The following LMNA variants were observed in gnomAD, a reference collection of about 807,000 sequenced individuals.
The protein encoded by LMNA is lamin.
Under a neutral mutation model 70.4 loss-of-function variants are expected in LMNA, and 20 were observed. The observed-to-expected ratio is 0.28, with a 90% confidence interval of 0.20 to 0.41. LMNA has a LOEUF of 0.41. Among genes scored for constraint, LMNA ranks in the 10% least tolerant of loss-of-function variants. The pLI, the probability that LMNA is intolerant of heterozygous loss-of-function variation, is 1.00. For missense variants in LMNA, 652 were observed against 917.2 expected (o/e 0.71, Z 3.73); for synonymous variants, 339 against 372.8 (o/e 0.91, Z 1.04).
chr1:156,126,551 C>G, intron 1 of LMNA: 1 of 758,442 alleles, frequency 1.3e-6, no homozygotes, highest in Admixed American at 1.8e-5. Flanking sequence ...TGCCTTTCTT[C>G]CCCAAACAGC....
At position 156,138,380 on chromosome 1, in the gene LMNA, C is replaced by A; in HGVS notation, c.1699-108C>A. On this transcript the variant is annotated intron_variant, in intron 10 of 11. Transcript: ENST00000368300. The surrounding 1 kb of genome is among the most constrained non-coding windows in gnomAD (Gnocchi z 5.5). Reference sequence around the variant, plus strand: ...CGCTGGCTCCTTGGGCACAGAACCACACCTTCCTGCCTGGCGGCTGGGAGC... The same window carrying A: ...CGCTGGCTCCTTGGGCACAGAACCAAACCTTCCTGCCTGGCGGCTGGGAGC... The A allele has an allele frequency of 7.6e-7, 1 of 1,322,536 alleles. No homozygotes were observed. The highest frequency in any genetic ancestry group is 1.0e-6 in the Non-Finnish European group (1 of 958,952). The allele number at this position is 1,322,536 out of a possible 1,614,324, so 81.9% of individuals were successfully genotyped here.
chr1:156,097,940 C>A (rs538118640), intron 3 of LMNA, among the ~76,000 whole-genome samples: 2 of 152,054 alleles, frequency 1.3e-5, no homozygotes, highest in African/African-American at 4.8e-5. Flanking sequence ...GGTGCGTGTG[C>A]GTGTGTGCGT....
chr1:156,111,374 G>C (rs1475947189), upstream of LMNA, among the ~76,000 whole-genome samples: 1 of 151,804 alleles, frequency 6.6e-6, no homozygotes, highest in Non-Finnish European at 1.5e-5. Flanking sequence ...GCTTGAACCT[G>C]GGAGGCAGAG....
At chr1:156,111,991 A>G (rs1649557510), upstream of LMNA, among the ~76,000 whole-genome samples, 1 of 152,180 alleles carries the variant, frequency 6.6e-6, no homozygotes, top group Admixed American at 6.5e-5. Flanking sequence ...TATTCAGGAT[A>G]AAGTTTCACT....
rs572101143 is a variant in LMNA at position 156,115,723 on chromosome 1, G to A, written c.356+449G>A. Reference sequence around the variant, plus strand: ...GCGGGCTTGGCACTGTGCTAGCTTTGCCCAAGCTGGCTCTGAACACATGAT... The same window carrying A: ...GCGGGCTTGGCACTGTGCTAGCTTTACCCAAGCTGGCTCTGAACACATGAT... On this transcript the variant is annotated intron_variant, in intron 1 of 11. Coordinates refer to ENST00000368300, the MANE Select transcript of LMNA (RefSeq NM_170707.4). The surrounding 1 kb of genome is among the most constrained non-coding windows in gnomAD (Gnocchi z 5.8). Among the ~76,000 whole-genome samples, 8 of 152,352 alleles carry A rather than the reference G, an allele frequency of 5.3e-5. No homozygotes were observed. Among genetic ancestry groups the A allele is most frequent in the Admixed American group, 5.2e-4 (8 of 15,310 alleles).
At chr1:156,090,951 A>G (rs774226469) in intron 3 of LMNA, 4 of 152,354 alleles carry the variant, frequency 2.6e-5, no homozygotes, top group African/African-American at 4.8e-5. Flanking sequence ...GGGCCCAGGT[A>G]TGACTTCGCT....
chr1:156,112,420 G>C (rs1197244405), upstream of LMNA, among the ~76,000 whole-genome samples: 2 of 152,184 alleles, frequency 1.3e-5, no homozygotes, highest in Non-Finnish European at 2.9e-5. Flanking sequence ...GAAGGGTTAA[G>C]TGTGGTTTAG....
chr1:156,121,544 C>G (rs1650187389), intron 1 of LMNA, among the ~76,000 whole-genome samples: 1 of 152,004 alleles, frequency 6.6e-6, no homozygotes, highest in Non-Finnish European at 1.5e-5. Context: ...GTGCCCATTG[C>G]CCCCACTTCC....
chr1:156,126,890 A>G (rs759295051), intron 1 of LMNA: 1 of 1,609,826 alleles, frequency 6.2e-7, no homozygotes, highest in African/African-American at 1.3e-5. Flanking sequence ...CTGGGGCAGG[A>G]CACGGGCGAA....
chr1:156,126,712 T>C (rs546907691), intron 1 of LMNA: 8 of 1,535,846 alleles, frequency 5.2e-6, no homozygotes, highest in Middle Eastern at 1.7e-4. Context: ...CCCCACCCCC[T>C]CTCTTCCCTC....
upstream of LMNA, among the ~76,000 whole-genome samples, chr1:156,110,564 G>C (rs1179039322): frequency 2.6e-5 from 4 of 152,220 alleles, no homozygotes; most frequent in Non-Finnish European, 4.4e-5. Context: ...CCCTGAGAGG[G>C]CTGGGCATGG....
rs1650974818 is a variant in LMNA, at chr1:156,130,657, C to T, written c.397C>T (p.Arg133Trp). 2 of 1,614,056 alleles carry T rather than the reference C, an allele frequency of 1.2e-6. No individual in the cohort carries two copies. Among genetic ancestry groups the T allele is most frequent in the Non-Finnish European group, 8.5e-7 (1 of 1,180,022 alleles). The change falls in exon 2 of 12, where the codon CGG becomes TGG. Residue 133 changes from arginine (R) to tryptophan (W), a missense_variant. Around this residue, in one of 4 missense-constraint regions of LMNA, gnomAD observed 254 missense variants for 421.9 expected, o/e 0.60. Transcript: ENST00000368300. ...GGGTGACCTGATAGCTGCTCAGGCTCGGCTGAAGGACCTGGAGGCTCTGCT... is the reference window on the plus strand; with the variant it reads ...GGGTGACCTGATAGCTGCTCAGGCTTGGCTGAAGGACCTGGAGGCTCTGCT... ...KEGDLIAAQA[R>W]LKDLEALLNS...
intron 1 of LMNA, among the ~76,000 whole-genome samples, chr1:156,123,764 C>T (rs898632375): frequency 6.2e-4 from 94 of 152,310 alleles, no homozygotes; most frequent in Admixed American, 5.4e-3. Context: ...GGAAGCCAGC[C>T]GCCCATTGTC....
Position 156,097,561 on chromosome 1 carries a change from T to G in LMNA, c.-207+6979T>G, listed in dbSNP as rs549790305. Among the ~76,000 whole-genome samples the G allele has an allele frequency of 2.2e-4, 33 of 152,368 alleles. 1 individual carries two copies. The highest frequency in any genetic ancestry group is 2.0e-3 in the Admixed American group (30 of 15,312). ...AGGAAACTCTCAGCCTGGCCCACGG[T>G]GCCATGGGCAGGACATGAGTGGCAG... On this transcript the variant is annotated intron_variant, in intron 3 of 12. Coordinates refer to the LMNA transcript ENST00000368301.
intron 3 of LMNA, among the ~76,000 whole-genome samples, chr1:156,093,351 G>A (rs1303200590): frequency 7.1e-6 from 1 of 140,310 alleles, no homozygotes; most frequent in Non-Finnish European, 1.5e-5. Flanking sequence ...CTGTCACCCA[G>A]GCTAGAGTGC....
chr1:156,111,121 A>AG (rs915337531), upstream of LMNA, among the ~76,000 whole-genome samples: 1 of 151,916 alleles, frequency 6.6e-6, no homozygotes, highest in African/African-American at 2.4e-5. Flanking sequence ...AACACAGAGG[A>AG]GCCCCCCCAC....
chr1:156,138,997 A>T lies in LMNA; in HGVS notation c.1969-83A>T. 6.8e-7 allele frequency: 1 copy of T among 1,468,796 alleles called. No homozygotes were observed. Among genetic ancestry groups the T allele is most frequent in the African/African-American group, 1.4e-5 (1 of 71,524 alleles). The allele number at this position is 1,468,796 out of a possible 1,614,324, so 91.0% of individuals were successfully genotyped here. A position where few individuals can be genotyped will look rare whatever the true frequency, so the allele number is the denominator to read the frequency against. On this transcript the variant is annotated intron_variant, in intron 11 of 11. Coordinates refer to ENST00000368300, the MANE Select transcript of LMNA (RefSeq NM_170707.4). This position sits in a 1 kb window ranked among gnomAD's most constrained non-coding sequence, Gnocchi z 5.5. ...GAGTGTGAGGGATGGGGGAGATGCT[A>T]CCTCCCTTCTAGGGGCCAGGGGAGG...
chr1:156,128,717 T>C lies in LMNA; in HGVS notation c.357-1900T>C, dbSNP rs944727119. On this transcript the variant is annotated intron_variant, in intron 1 of 11. Transcript: ENST00000368300. The stretch of plus-strand genomic sequence containing the variant: ...GACACTGGGCCATTCACCTTCCTCC[T>C]TTGCACCTCAGTTTCCTCATCTATA... Among the ~76,000 whole-genome samples the C allele has an allele frequency of 5.9e-5, 9 of 152,178 alleles. No homozygotes were observed. The South Asian group carries it at 1.4e-3, about 24-fold the overall frequency.
At chr1:156,110,959 G>A (rs1257123346), upstream of LMNA, among the ~76,000 whole-genome samples, 1 of 151,644 alleles carries the variant, frequency 6.6e-6, no homozygotes, top group Non-Finnish European at 1.5e-5. Flanking sequence ...CTGGGCAACA[G>A]AGCGAGACTC....
Sources: gnomAD v4.1 joint callset for allele counts (sites outside exome capture counted in the v4.1 genomes callset) on GRCh38, gnomAD v4.1.1 for gene constraint, gnomAD v4.1.1 regional missense constraint, Gnocchi (gnomAD v3.1) non-coding constraint, MANE v1.5 for transcripts, NCBI Gene and HGNC (gene_info 2026-07-23, HGNC 2026-07-21) for gene names.